ZMYM1: variants seen among roughly 807,000 people sequenced by gnomAD.
ZMYM1 encodes the protein zinc finger MYM-type protein 1.
In ZMYM1, 39 loss-of-function variants were observed where a neutral mutation model predicts 60.0. The ratio of observed to expected loss-of-function variants is 0.65; its 90% CI spans 0.50 to 0.85. The LOEUF (loss-of-function observed/expected upper bound fraction) is 0.85. Among genes scored for constraint, ZMYM1 ranks in the 40% least tolerant of loss-of-function variants. The probability of loss-of-function intolerance (pLI) is 0.00; values close to 1 mark genes in which losing one functional copy is unlikely to be tolerated. For missense variants in ZMYM1, 1,171 were observed against 1,309.5 expected (o/e 0.89, Z 1.63); for synonymous variants, 413 against 454.0 (o/e 0.91, Z 1.15).
intron 1 of ZMYM1, among the ~76,000 whole-genome samples, chr1:35,080,659 G>A (rs1642339724): frequency 6.6e-6 from 1 of 151,768 alleles, no homozygotes; most frequent in Non-Finnish European, 1.5e-5. Flanking sequence ...AGGAATATCC[G>A]CCATCATTGG....
At chr1:35,080,310 GCTT>G (rs1439093037) in intron 1 of ZMYM1, among the ~76,000 whole-genome samples, 2 of 145,298 alleles carry the variant, frequency 1.4e-5, no homozygotes, top group Admixed American at 6.9e-5. Flanking sequence ...ATATATTTGT[GCTT>G]CTTTTTTTTT....
upstream of ZMYM1, among the ~76,000 whole-genome samples, chr1:35,076,583 T>C (rs1642170041): frequency 6.6e-6 from 1 of 151,416 alleles, no homozygotes; most frequent in African/African-American, 2.4e-5. Context: ...ATTGCGCCAT[T>C]GCACTCCAGC....
intron 1 of ZMYM1, among the ~76,000 whole-genome samples, chr1:35,066,007 T>C (rs1300479507): frequency 6.6e-6 from 1 of 152,156 alleles, no homozygotes; most frequent in Non-Finnish European, 1.5e-5. Flanking sequence ...GATAAGCTGT[T>C]CTATACAAAT....
chr1:35,084,614 C>G (rs1368015190), intron 1 of ZMYM1, among the ~76,000 whole-genome samples: 3 of 152,284 alleles, frequency 2.0e-5, no homozygotes, highest in Non-Finnish European at 2.9e-5. Context: ...AGTCTCAACC[C>G]GAAATCCAGG....
At position 35,114,392 on chromosome 1, in the gene ZMYM1, C is replaced by T. The variant is rs779779233; in HGVS notation, c.2562C>T (p.Ser854=). The T allele has an allele frequency of 6.2e-7, 1 of 1,612,914 alleles. No individual in the cohort carries two copies. The highest frequency in any genetic ancestry group is 8.5e-7 in the Non-Finnish European group (1 of 1,179,308). ...DELSHLLTLV[S]KFEFVFCLKF... ...TGAGTCATTTGCTGACATTGGTTTC[C>T]AAATTTGAATTTGTCTTTTGTTTGA... The change falls in exon 10 of 10, where the codon TCC becomes TCT. Residue 854 remains serine (S), a synonymous_variant. Transcript: ENST00000359858.
At chr1:35,068,195 G>T (rs969006629) in intron 1 of ZMYM1, among the ~76,000 whole-genome samples, 3 of 151,874 alleles carry the variant, frequency 2.0e-5, no homozygotes, top group Admixed American at 1.3e-4. Flanking sequence ...AAGATGGGAG[G>T]ATCATTTGAG....
At chr1:35,099,144 A>T (rs538690584) in intron 4 of ZMYM1, among the ~76,000 whole-genome samples, 204 of 152,238 alleles carry the variant, frequency 1.3e-3, no homozygotes, top group Middle Eastern at 3.4e-3. Context: ...CTCTTAACAA[A>T]CTCACAAACC....
intron 1 of ZMYM1, among the ~76,000 whole-genome samples, chr1:35,064,292 C>CAAAAAAAAAAAAAA (rs371084383): frequency 1.8e-5 from 1 of 54,510 alleles, no homozygotes; most frequent in African/African-American, 6.1e-5. Flanking sequence ...GATCCTGTCT[C>CAAAAAAAAAAAAAA]AAAAAAAAAA....
At chr1:35,106,603 C>T (rs1375100841) in intron 6 of ZMYM1, among the ~76,000 whole-genome samples, 1 of 122,914 alleles carries the variant, frequency 8.1e-6, no homozygotes, top group Non-Finnish European at 1.6e-5. Context: ...AGTGAGACTC[C>T]GTCTCAAAAA....
At chr1:35,105,126 CTT>C (rs1029051953) in intron 6 of ZMYM1, among the ~76,000 whole-genome samples, 6 of 96,554 alleles carry the variant, frequency 6.2e-5, no homozygotes, top group South Asian at 7.1e-4. Flanking sequence ...TTATTTCTTT[CTT>C]TTTTTTTTTT....
intron 1 of ZMYM1, among the ~76,000 whole-genome samples, chr1:35,072,784 C>G (rs1642089757): frequency 6.6e-6 from 1 of 151,738 alleles, no homozygotes; most frequent in Non-Finnish European, 1.5e-5. Flanking sequence ...CCCATCTCTA[C>G]TAAAAATACA....
intron 9 of ZMYM1, among the ~76,000 whole-genome samples, chr1:35,112,573 T>C (rs1269074268): frequency 3.4e-5 from 1 of 29,290 alleles, no homozygotes; most frequent in Admixed American, 2.2e-4. Flanking sequence ...ATAATATAAA[T>C]ATATTATAAT....
intron 1 of ZMYM1, among the ~76,000 whole-genome samples, chr1:35,060,137 TTTG>T (rs201138456): frequency 2.8e-5 from 4 of 141,296 alleles, no homozygotes; most frequent in East Asian, 2.1e-4. Context: ...GGAAATACTA[TTTG>T]TTGTTATTAT....
chr1:35,082,411 A>G (rs1266192917), intron 1 of ZMYM1, among the ~76,000 whole-genome samples: 5 of 150,600 alleles, frequency 3.3e-5, no homozygotes, highest in African/African-American at 7.3e-5. Flanking sequence ...GCTCACTGCA[A>G]CCTCCACCTC....
At chr1:35,075,602 T>A (rs759164799), upstream of ZMYM1, among the ~76,000 whole-genome samples, 1 of 152,108 alleles carries the variant, frequency 6.6e-6, no homozygotes, top group Non-Finnish European at 1.5e-5. Context: ...CCCCCTTGCC[T>A]TTGGGCACAT....
At chr1:35,109,233 A>G (rs570370287) in intron 6 of ZMYM1, among the ~76,000 whole-genome samples, 15 of 151,712 alleles carry the variant, frequency 9.9e-5, no homozygotes, top group Admixed American at 9.2e-4. Context: ...AGGTATCACT[A>G]TTTTACCAGT....
In ZMYM1 at chr1:35,104,455, CA is replaced by C. The variant is rs1434357837; in HGVS notation, c.581del (p.Gln194ArgfsTer10). 1 of 1,609,578 alleles carries C rather than the reference CA, an allele frequency of 6.2e-7. No homozygotes were observed. The highest frequency in any genetic ancestry group is 1.3e-5 in the African/African-American group (1 of 74,844). On this transcript the variant is annotated frameshift_variant, in exon 5 of 10. Transcript: ENST00000359858. LOFTEE classifies it high-confidence loss of function. Reference sequence around the variant, plus strand: ...CATTTTGACCAAGTGCAGCATGTGCCAGAAGACTGCTATTGTAAGTTCCAAT... The same window carrying C: ...CATTTTGACCAAGTGCAGCATGTGCCGAAGACTGCTATTGTAAGTTCCAAT... ...NSILTKCSMC[Q>X]KTAIIQYEVK...
chr1:35,065,123 A>G lies in ZMYM1; in HGVS notation c.-301+5198A>G, dbSNP rs527845489. ...AAGCAGTACAATTGACCCTTCAACA[A>G]TATGAGTTTGAACTGCATGGGTCCA... On this transcript the variant is annotated intron_variant, in intron 1 of 10. Coordinates refer to the ZMYM1 transcript ENST00000417119. Among the ~76,000 whole-genome samples the G allele has an allele frequency of 1.1e-4, 17 of 152,286 alleles. No individual in the cohort carries two copies. In the East Asian group the frequency reaches 2.9e-3, roughly 26 times the overall value.
chr1:35,113,797 AAG>A lies in ZMYM1; in HGVS notation c.1969_1970del (p.Glu657ThrfsTer19). 1 of 1,613,890 alleles carries A rather than the reference AAG, an allele frequency of 6.2e-7. No homozygotes were observed. Among genetic ancestry groups the A allele is most frequent in the South Asian group, 1.1e-5 (1 of 91,050 alleles). On this transcript the variant is annotated frameshift_variant, in exon 10 of 10. Coordinates refer to ENST00000359858, the MANE Select transcript of ZMYM1 (RefSeq NM_024772.5). LOFTEE classifies it high-confidence loss of function. ...GATGAGACAATCAATAGTGCCATGA[AAG>A]AACAGCTTTCAATTTGTGTAAGATA...
Sources: gnomAD v4.1 joint callset for allele counts (sites outside exome capture counted in the v4.1 genomes callset) on GRCh38, gnomAD v4.1.1 for gene constraint, MANE v1.5 for transcripts, NCBI Gene and HGNC (gene_info 2026-07-23, HGNC 2026-07-21) for gene names.